PSME4: variants seen among roughly 807,000 people sequenced by gnomAD.
PSME4 encodes the protein proteasome activator complex subunit 4.
A neutral mutation model predicts 253.9 loss-of-function variants in PSME4; 89 were observed. The ratio of observed to expected loss-of-function variants is 0.35; its 90% CI spans 0.30 to 0.42. The LOEUF (loss-of-function observed/expected upper bound fraction) is 0.42, where lower values mean the gene tolerates loss of function less well. Among genes scored for constraint, PSME4 ranks in the 10% least tolerant of loss-of-function variants. The probability of loss-of-function intolerance (pLI) is 1.00; values close to 1 mark genes in which losing one functional copy is unlikely to be tolerated. For synonymous variants in PSME4, 851 were observed against 759.2 expected, an observed-to-expected ratio of 1.12 and a Z score of -1.99; for missense variants, 2,014 against 2,195.2, an observed-to-expected ratio of 0.92 and a Z score of 1.65.
At chr2:53,878,444 T>C (rs1679232918) in intron 41 of PSME4, among the ~76,000 whole-genome samples, 1 of 152,330 alleles carries the variant, frequency 6.6e-6, no homozygotes, top group East Asian at 1.9e-4. Context: ...AAGAACAGGA[T>C]AACAGCAATG....
At chr2:53,890,518 G>A (rs557982825) in intron 36 of PSME4, among the ~76,000 whole-genome samples, 51 of 152,252 alleles carry the variant, frequency 3.3e-4, no homozygotes, top group African/African-American at 1.2e-3. Flanking sequence ...TGTTGCCCAG[G>A]CTGGTCTTGA....
intron 1 of PSME4, among the ~76,000 whole-genome samples, chr2:53,952,716 C>T (rs1020968648): frequency 1.3e-5 from 2 of 152,236 alleles, no homozygotes; most frequent in African/African-American, 4.8e-5. Flanking sequence ...AGATCCCTTG[C>T]ACGGGCAGTT....
At chr2:53,957,760 G>C (rs1225728337) in intron 1 of PSME4, among the ~76,000 whole-genome samples, 1 of 152,118 alleles carries the variant, frequency 6.6e-6, no homozygotes, top group Non-Finnish European at 1.5e-5. Flanking sequence ...ATATCATCAA[G>C]AAGTAAGACA....
At chr2:53,872,553 C>T (rs1239706437) in intron 43 of PSME4, among the ~76,000 whole-genome samples, 1 of 151,642 alleles carries the variant, frequency 6.6e-6, no homozygotes, top group Non-Finnish European at 1.5e-5. Context: ...CCAGCCTGGG[C>T]AGTATGGCAA....
intron 20 of PSME4, among the ~76,000 whole-genome samples, chr2:53,911,987 C>T (rs1558676294): frequency 6.6e-6 from 1 of 152,104 alleles, no homozygotes; most frequent in Non-Finnish European, 1.5e-5. Flanking sequence ...ATCATTTATG[C>T]TGACTACTTT....
At chr2:53,958,634 A>G (rs915508666) in intron 1 of PSME4, among the ~76,000 whole-genome samples, 6 of 152,204 alleles carry the variant, frequency 3.9e-5, no homozygotes, top group Non-Finnish European at 8.8e-5. Context: ...TATTCTTACC[A>G]TTATGATTCA....
Position 53,940,961 on chromosome 2 carries a change from ATATATATATATATATATATAT to A in PSME4, c.501-982_501-962del, listed in dbSNP as rs1558413850. Among the ~76,000 whole-genome samples, 281 of 45,920 alleles carry A rather than the reference ATATATATATATATATATATAT, an allele frequency of 6.1e-3. 14 individuals are homozygous for A. The highest frequency in any genetic ancestry group is 0.018 in the African/African-American group (278 of 15,698). 30.1% of individuals were successfully genotyped at this position (45,920 alleles called of 152,430 possible). On this transcript the variant is annotated intron_variant, in intron 3 of 46. Coordinates refer to ENST00000404125, the MANE Select transcript of PSME4 (RefSeq NM_014614.3). ...TATAAATATATATATACATATATAT[ATATATATATATATATATATAT>A]ATATATATATATATATATGAAAGGA...
chr2:53,946,780 GGCACAC>G (rs1489562439), intron 3 of PSME4, among the ~76,000 whole-genome samples: 13 of 152,118 alleles, frequency 8.5e-5, no homozygotes, highest in Admixed American at 7.9e-4. Context: ...CAGGCATGGT[GGCACAC>G]GCCTGTGGTC....
At chr2:53,900,389 G>GTC (rs201502220) in intron 28 of PSME4, among the ~76,000 whole-genome samples, 2,287 of 150,426 alleles carry the variant, frequency 0.015, 23 homozygotes, top group Middle Eastern at 0.031. Context: ...CAAGACCCCT[G>GTC]TCTCTCTCTC....
At chr2:53,954,649 G>A (rs914780925) in intron 1 of PSME4, among the ~76,000 whole-genome samples, 1 of 151,974 alleles carries the variant, frequency 6.6e-6, no homozygotes, top group Non-Finnish European at 1.5e-5. Flanking sequence ...GATCAGCCTG[G>A]CCAACATGGC....
At chr2:53,897,772 T>C (rs1162290859) in intron 31 of PSME4, 98 bp downstream of exon 31, 8 of 1,322,464 alleles carry the variant, frequency 6.0e-6, no homozygotes, top group East Asian at 4.7e-5. Context: ...CTTCAAGATA[T>C]TTATTAACCA....
intron 37 of PSME4, among the ~76,000 whole-genome samples, chr2:53,889,639 A>G (rs969628504): frequency 6.6e-6 from 1 of 152,220 alleles, no homozygotes; most frequent in Non-Finnish European, 1.5e-5. Flanking sequence ...AACAGTGAGA[A>G]AGCTGTTGTT....
intron 29 of PSME4, among the ~76,000 whole-genome samples, chr2:53,899,657 A>G (rs1418494127): frequency 6.6e-6 from 1 of 151,810 alleles, no homozygotes; most frequent in African/African-American, 2.4e-5. Context: ...GTCTCTACTA[A>G]AAATACAAAA....
intron 27 of PSME4, 71 bp downstream of exon 27, chr2:53,903,954 A>T: frequency 1.5e-6 from 2 of 1,295,122 alleles, no homozygotes; most frequent in Non-Finnish European, 2.2e-6. Flanking sequence ...ATGGATGTTT[A>T]CCGTAGAATT....
At chr2:53,966,243 C>T (rs1670730596) in intron 1 of PSME4, among the ~76,000 whole-genome samples, 1 of 152,108 alleles carries the variant, frequency 6.6e-6, no homozygotes, top group African/African-American at 2.4e-5. Flanking sequence ...GACATTGTGC[C>T]ACTGCACTCC....
At chr2:53,948,293 T>A in intron 3 of PSME4, 128 bp downstream of exon 3, 1 of 681,542 alleles carries the variant, frequency 1.5e-6, no homozygotes, top group Non-Finnish European at 2.6e-6. Context: ...GGAGTCAAAT[T>A]ACACAGAAAT....
intron 1 of PSME4, among the ~76,000 whole-genome samples, chr2:53,949,541 A>G (rs556508558): frequency 1.0e-3 from 156 of 152,046 alleles, no homozygotes; most frequent in African/African-American, 3.7e-3. Flanking sequence ...TGATCCCATC[A>G]TACTTCAGCT....
chr2:53,934,363 G>A (rs745344024), intron 8 of PSME4, among the ~76,000 whole-genome samples: 4 of 152,134 alleles, frequency 2.6e-5, no homozygotes, highest in Admixed American at 6.5e-5. Context: ...GTTAGACATC[G>A]TGAATCCCTC....
rs376335263 is a variant in PSME4, at chr2:53,945,548, G to T, written c.500+2873C>A. The stretch of plus-strand genomic sequence containing the variant: ...AAACAAGGATAGGAAAGGGGATGAA[G>T]AGAGGATGGGAAAGGTAAAGAGGAA... On this transcript the variant is annotated intron_variant, in intron 3 of 46. Coordinates refer to ENST00000404125, the MANE Select transcript of PSME4 (RefSeq NM_014614.3). Among the ~76,000 whole-genome samples, 18 of 152,254 alleles carry T rather than the reference G, an allele frequency of 1.2e-4. No homozygotes were observed. The East Asian group carries it at 3.1e-3, about 26-fold the overall frequency.
Sources: gnomAD v4.1 joint callset for allele counts (sites outside exome capture counted in the v4.1 genomes callset) on GRCh38, gnomAD v4.1.1 for gene constraint, MANE v1.5 for transcripts, NCBI Gene and HGNC (gene_info 2026-07-23, HGNC 2026-07-21) for gene names.